MAPK10: variants seen among roughly 807,000 people sequenced by gnomAD.
The protein encoded by MAPK10 is mitogen-activated protein kinase 10, also known as JNK3 alpha protein kinase.
Under a neutral mutation model 59.3 loss-of-function variants are expected in MAPK10, and 25 were observed. The observed-to-expected ratio is 0.42, with a 90% CI of 0.31 to 0.59. The LOEUF (loss-of-function observed/expected upper bound fraction) is 0.59. Among genes scored for constraint, MAPK10 ranks in the 20% least tolerant of loss-of-function variants. MAPK10 has a pLI of 0.15. For missense variants in MAPK10, 351 were observed against 568.9 expected (o/e 0.62, Z 3.90); for synonymous variants, 190 against 200.5 (o/e 0.95, Z 0.44).
At position 86,354,600 on chromosome 4, in the gene MAPK10, G is replaced by A. The variant is rs1327855097; in HGVS notation, c.-77C>T. ...ACAGTTTCTTGCATAAGTTGCCATA[G>A]TGAAGATCTGAGATGGGCCTGCTGT... On this transcript the variant is annotated 5_prime_UTR_variant, in exon 2 of 14. Coordinates refer to ENST00000641462, the MANE Select transcript of MAPK10 (RefSeq NM_138982.4). 1.6e-6 allele frequency: 2 copies of A among 1,231,376 alleles called. No individual in the cohort carries two copies. Among genetic ancestry groups the A allele is most frequent in the East Asian group, 3.2e-5 (1 of 31,674 alleles). The allele number at this position is 1,231,376 out of a possible 1,614,324, so 76.3% of individuals were successfully genotyped here. A position where few individuals can be genotyped will look rare whatever the true frequency, so the allele number is the denominator to read the frequency against.
chr4:86,432,558 G>C (rs1579199691), intron 1 of MAPK10, among the ~76,000 whole-genome samples: 1 of 152,166 alleles, frequency 6.6e-6, no homozygotes, highest in African/African-American at 2.4e-5. Flanking sequence ...GGGATTACAG[G>C]CATGAGCTAC....
At chr4:86,568,643 C>T (rs1761229707) in intron 1 of MAPK10, among the ~76,000 whole-genome samples, 1 of 152,104 alleles carries the variant, frequency 6.6e-6, no homozygotes, top group African/African-American at 2.4e-5. Context: ...TAAAGTCACA[C>T]ACCTACAACC....
At chr4:86,074,641 C>A (rs1004884806) in intron 9 of MAPK10, among the ~76,000 whole-genome samples, 1 of 138,110 alleles carries the variant, frequency 7.2e-6, no homozygotes, top group Non-Finnish European at 1.6e-5. Context: ...TTTATTTCTC[C>A]TTCACTTATG....
intron 11 of MAPK10, among the ~76,000 whole-genome samples, chr4:86,037,655 T>C (rs1345502903): frequency 6.6e-6 from 1 of 152,204 alleles, no homozygotes; most frequent in Non-Finnish European, 1.5e-5. Context: ...ACATGGGAAG[T>C]ATCTTTTTCA....
intron 9 of MAPK10, among the ~76,000 whole-genome samples, chr4:86,083,128 A>T (rs981209754): frequency 6.6e-6 from 1 of 152,148 alleles, no homozygotes; most frequent in Non-Finnish European, 1.5e-5. Flanking sequence ...TATTAAGAAG[A>T]CGTGTCTGGG....
chr4:86,499,861 C>T (rs967492530), intron 1 of MAPK10, among the ~76,000 whole-genome samples: 1 of 152,098 alleles, frequency 6.6e-6, no homozygotes, highest in Non-Finnish European at 1.5e-5. Flanking sequence ...CTGCTTCCTC[C>T]CTGATTAGAA....
chr4:86,064,140 T>C, intron 11 of MAPK10, 126 bp downstream of exon 11: 2 of 1,179,594 alleles, frequency 1.7e-6, no homozygotes, highest in Non-Finnish European at 2.4e-6. Context: ...GGGCAGATAA[T>C]AGGCTTTGGA....
chr4:86,571,993 G>C (rs577951547), intron 1 of MAPK10, among the ~76,000 whole-genome samples: 2 of 151,910 alleles, frequency 1.3e-5, no homozygotes, highest in Admixed American at 1.3e-4. Flanking sequence ...TTATTAGGCT[G>C]AATTTTGTCA....
chr4:86,235,300 C>T (rs1318149501), intron 2 of MAPK10, among the ~76,000 whole-genome samples: 2 of 152,146 alleles, frequency 1.3e-5, no homozygotes, highest in Non-Finnish European at 2.9e-5. Context: ...ATTCCTAATT[C>T]TTACCAAAAC....
At chr4:86,262,212 G>C (rs2148744668) in intron 2 of MAPK10, among the ~76,000 whole-genome samples, 2 of 152,294 alleles carry the variant, frequency 1.3e-5, no homozygotes, top group East Asian at 3.9e-4. Context: ...GCTATCACAG[G>C]AGTGGGTTTC....
intron 9 of MAPK10, among the ~76,000 whole-genome samples, chr4:86,071,642 A>C (rs1203285005): frequency 1.3e-5 from 2 of 151,100 alleles, no homozygotes; most frequent in Non-Finnish European, 3.0e-5. Context: ...CCATTTATTA[A>C]ATAGGGAATC....
intron 2 of MAPK10, among the ~76,000 whole-genome samples, chr4:86,213,333 G>A (rs1441255076): frequency 1.3e-5 from 2 of 151,844 alleles, no homozygotes; most frequent in African/African-American, 4.8e-5. Flanking sequence ...CCTGACAGAT[G>A]GTAGAAAATA....
chr4:86,091,677 AT>A lies in MAPK10; in HGVS notation c.802+6846del, dbSNP rs999214337. ...ACCAGTTGGTTCTATACAGTTGTTA[AT>A]TTTTTTTTTTCTTTGAGCCAGTGTC... On this transcript the variant is annotated intron_variant, in intron 9 of 13. Transcript: ENST00000641462. 2.7e-3 allele frequency among the ~76,000 whole-genome samples: 386 copies of A among 143,144 alleles called. 2 individuals carry two copies. The highest frequency in any genetic ancestry group is 8.0e-3 in the African/African-American group (311 of 39,096). The allele number at this position is 143,144 out of a possible 152,430, so 93.9% of individuals were successfully genotyped here. A position where few individuals can be genotyped will look rare whatever the true frequency, so the allele number is the denominator to read the frequency against.
chr4:86,545,143 T>A (rs893045252), intron 1 of MAPK10, among the ~76,000 whole-genome samples: 5 of 152,170 alleles, frequency 3.3e-5, no homozygotes, highest in African/African-American at 1.2e-4. Flanking sequence ...TGTATCAACA[T>A]AAGGCTAAGA....
intron 1 of MAPK10, among the ~76,000 whole-genome samples, chr4:86,367,285 T>C (rs1348270391): frequency 1.3e-5 from 2 of 152,114 alleles, no homozygotes; most frequent in Non-Finnish European, 2.9e-5. Context: ...GGGTCCACAT[T>C]TACTCTTTGA....
intron 1 of MAPK10, among the ~76,000 whole-genome samples, chr4:86,441,264 T>A (rs751272538): frequency 6.6e-6 from 1 of 152,184 alleles, no homozygotes; most frequent in Admixed American, 6.5e-5. Context: ...TTTCACTTAG[T>A]CATAGAGAAT....
chr4:86,031,123 G>A (rs1031086312), intron 12 of MAPK10, among the ~76,000 whole-genome samples: 2 of 151,980 alleles, frequency 1.3e-5, no homozygotes, highest in African/African-American at 2.4e-5. Context: ...AAAAGGTATC[G>A]ACAAACACTG....
chr4:86,184,173 T>C (rs904956023), intron 3 of MAPK10, among the ~76,000 whole-genome samples: 1 of 152,202 alleles, frequency 6.6e-6, no homozygotes, highest in Non-Finnish European at 1.5e-5. Context: ...TTTTGTCTTT[T>C]GTTGCCATTG....
intron 2 of MAPK10, among the ~76,000 whole-genome samples, chr4:86,284,296 G>C (rs1319719853): frequency 1.3e-5 from 2 of 152,156 alleles, no homozygotes; most frequent in African/African-American, 4.8e-5. Context: ...CTTGCATTCT[G>C]GCAAGCCTGA....
Sources: gnomAD v4.1 joint callset for allele counts (sites outside exome capture counted in the v4.1 genomes callset) on GRCh38, gnomAD v4.1.1 for gene constraint, MANE v1.5 for transcripts, NCBI Gene and HGNC (gene_info 2026-07-23, HGNC 2026-07-21) for gene names.